The following PTPRR variants were observed in gnomAD, a reference collection of about 807,000 sequenced individuals.
PTPRR encodes the protein protein tyrosine phosphatase receptor type R.
A neutral mutation model predicts 77.2 loss-of-function variants in PTPRR; 38 were observed. The observed-to-expected ratio is 0.49, with a 90% confidence interval of 0.38 to 0.65. PTPRR has a LOEUF of 0.65. Ranked by LOEUF, PTPRR falls within the 30% of genes least tolerant of loss-of-function variation. The pLI is 0.00. For missense variants in PTPRR, 744 were observed against 799.2 expected, an observed-to-expected ratio of 0.93 and a Z score of 0.83; for synonymous variants, 299 against 283.1, an observed-to-expected ratio of 1.06 and a Z score of -0.57.
intron 10 of PTPRR, among the ~76,000 whole-genome samples, chr12:70,676,209 T>C (rs974318692): frequency 1.3e-5 from 2 of 152,014 alleles, no homozygotes; most frequent in Non-Finnish European, 2.9e-5. Flanking sequence ...ATCTTCTAGG[T>C]ATTTTCCTTA....
chr12:70,681,285 A>G (rs74392710), intron 10 of PTPRR, among the ~76,000 whole-genome samples: 4,501 of 152,284 alleles, frequency 0.03, 90 homozygotes, highest in Non-Finnish European at 0.044. Context: ...TCAAAATGGC[A>G]TCATATAGCT....
chr12:70,777,307 T>A (rs1229294582), intron 2 of PTPRR, among the ~76,000 whole-genome samples: 1 of 152,112 alleles, frequency 6.6e-6, no homozygotes, highest in Admixed American at 6.6e-5. Context: ...TTGTTTTTAT[T>A]CTTCCTTGGT....
intron 2 of PTPRR, among the ~76,000 whole-genome samples, chr12:70,880,754 G>A (rs1893135267): frequency 1.3e-5 from 2 of 152,044 alleles, no homozygotes; most frequent in Non-Finnish European, 2.9e-5. Flanking sequence ...ACACATCTGA[G>A]AAGCCCATTG....
At chr12:70,712,359 C>T (rs183623561) in intron 6 of PTPRR, among the ~76,000 whole-genome samples, 1 of 151,830 alleles carries the variant, frequency 6.6e-6, no homozygotes, top group Non-Finnish European at 1.5e-5. Context: ...AATTATTTAA[C>T]ACAGTTGCCA....
At chr12:70,795,168 G>T (rs1028487095) in intron 2 of PTPRR, among the ~76,000 whole-genome samples, 1 of 151,996 alleles carries the variant, frequency 6.6e-6, no homozygotes, top group African/African-American at 2.4e-5. Context: ...TTTTTCACCT[G>T]GCTTACTATT....
rs1243088217 is a variant in PTPRR, at chr12:70,638,679, A to G, written c.*505T>C. The G allele has an allele frequency of 6.6e-6, 1 of 152,356 alleles. No individual in the cohort carries two copies. Among genetic ancestry groups the G allele is most frequent in the Non-Finnish European group, 1.5e-5 (1 of 68,140 alleles). The allele number at this position is 152,356 out of a possible 1,614,324, so 9.4% of individuals were successfully genotyped here. On this transcript the variant is annotated 3_prime_UTR_variant, in exon 14 of 14. Transcript: ENST00000283228. ...CTTCTCTGTTAAAAATCCATTATCA[A>G]TCACTTGCAACTTTAGCAGCAAGAT...
chr12:70,759,700 A>AAAC (rs1565685537), intron 4 of PTPRR, among the ~76,000 whole-genome samples: 2 of 149,982 alleles, frequency 1.3e-5, no homozygotes, highest in African/African-American at 4.9e-5. Context: ...AAAAAAAAAA[A>AAAC]AAAAAACAAA....
chr12:70,647,013 G>C (rs2136646272), intron 13 of PTPRR, among the ~76,000 whole-genome samples: 1 of 152,140 alleles, frequency 6.6e-6, no homozygotes. Flanking sequence ...ATGATATGAT[G>C]CACATTGGAA....
intron 2 of PTPRR, among the ~76,000 whole-genome samples, chr12:70,876,335 A>G (rs1893051392): frequency 1.3e-5 from 2 of 152,184 alleles, no homozygotes; most frequent in African/African-American, 2.4e-5. Context: ...GATGATTATC[A>G]TAGCAATTTT....
chr12:70,901,599 A>C (rs1161133555), intron 1 of PTPRR, among the ~76,000 whole-genome samples: 3 of 151,764 alleles, frequency 2.0e-5, no homozygotes, highest in East Asian at 3.9e-4. Context: ...ACTTTATACA[A>C]AAATCAACTC....
At chr12:70,657,805 C>G (rs1198764800) in intron 12 of PTPRR, among the ~76,000 whole-genome samples, 1 of 152,138 alleles carries the variant, frequency 6.6e-6, no homozygotes, top group Non-Finnish European at 1.5e-5. Context: ...AATCTGTTAC[C>G]ACTTCTTCTA....
At chr12:70,705,817 C>T (rs1888599456) in intron 6 of PTPRR, among the ~76,000 whole-genome samples, 1 of 151,746 alleles carries the variant, frequency 6.6e-6, no homozygotes, top group South Asian at 2.1e-4. Flanking sequence ...GAAGCAAGAA[C>T]TTTAATGTTG....
intron 6 of PTPRR, among the ~76,000 whole-genome samples, chr12:70,709,824 T>C (rs1416197268): frequency 6.6e-6 from 1 of 152,064 alleles, no homozygotes; most frequent in Non-Finnish European, 1.5e-5. Flanking sequence ...AAAACACTGC[T>C]CAAGTAAATC....
rs372393518 is a variant in PTPRR, at chr12:70,802,901, T to C, written c.358-38123A>G. ...TTTAAGAAAAGTTAGACCTGAAATGTCAATGTGAATGTAACTTTTGGTCTA... is the reference window on the plus strand; with the variant it reads ...TTTAAGAAAAGTTAGACCTGAAATGCCAATGTGAATGTAACTTTTGGTCTA... On this transcript the variant is annotated intron_variant, in intron 2 of 13. Coordinates refer to ENST00000283228, the MANE Select transcript of PTPRR (RefSeq NM_002849.4). Among the ~76,000 whole-genome samples, 14 of 152,348 alleles carry C rather than the reference T, an allele frequency of 9.2e-5. No individual in the cohort carries two copies. In the East Asian group the frequency reaches 2.7e-3, roughly 29 times the overall value.
At chr12:70,803,285 A>G (rs1436272677) in intron 2 of PTPRR, among the ~76,000 whole-genome samples, 1 of 152,196 alleles carries the variant, frequency 6.6e-6, no homozygotes, top group East Asian at 1.9e-4. Flanking sequence ...CCTGGCCAGT[A>G]GAGTCCAGGG....
At chr12:70,640,020 G>A (rs1592624105) in intron 13 of PTPRR, among the ~76,000 whole-genome samples, 1 of 152,084 alleles carries the variant, frequency 6.6e-6, no homozygotes, top group Non-Finnish European at 1.5e-5. Context: ...TTTCCTCTTG[G>A]TTATCACCAT....
chr12:70,661,273 T>C, intron 11 of PTPRR, 176 bp from the exon 12 acceptor site: 1 of 752,334 alleles, frequency 1.3e-6, no homozygotes, highest in Non-Finnish European at 2.3e-6. Context: ...GACTTTACTG[T>C]CAGTAACCTG....
chr12:70,832,469 T>C (rs1565712398), intron 2 of PTPRR, among the ~76,000 whole-genome samples: 1 of 152,178 alleles, frequency 6.6e-6, no homozygotes, highest in Non-Finnish European at 1.5e-5. Context: ...ACATGATACA[T>C]TTGGAGAAAT....
At chr12:70,909,711 G>T (rs1179091158) in intron 1 of PTPRR, among the ~76,000 whole-genome samples, 2 of 152,176 alleles carry the variant, frequency 1.3e-5, no homozygotes, top group African/African-American at 4.8e-5. Context: ...GTCAGCATTA[G>T]AAGTGGAATG....
Sources: gnomAD v4.1 joint callset for allele counts (sites outside exome capture counted in the v4.1 genomes callset) on GRCh38, gnomAD v4.1.1 for gene constraint, MANE v1.5 for transcripts, NCBI Gene and HGNC (gene_info 2026-07-23, HGNC 2026-07-21) for gene names.